Variants in INSR observed in about 807,000 individuals in gnomAD.
INSR encodes IR.
INSR carries 67 observed loss-of-function variants against 142.6 expected under a neutral mutation model. The observed-to-expected ratio is 0.47, with a 90% CI of 0.39 to 0.58. The LOEUF is 0.58. Ranked by LOEUF, INSR falls within the 20% of genes least tolerant of loss-of-function variation. The pLI is 0.00. For synonymous variants in INSR, 756 were observed against 743.1 expected, an observed-to-expected ratio of 1.02 and a Z score of -0.28; for missense variants, 1,248 against 1,833.2, an observed-to-expected ratio of 0.68 and a Z score of 5.83.
rs556744836 is a variant in INSR at position 7,119,907 on chromosome 19, AACAC to A, written c.3660-328_3660-325del. Among the ~76,000 whole-genome samples the A allele has an allele frequency of 1.0e-4, 13 of 127,278 alleles. No individual in the cohort carries two copies. Among genetic ancestry groups the A allele is most frequent in the East Asian group, 7.8e-4 (4 of 5,152 alleles). 83.5% of individuals were successfully genotyped at this position (127,278 alleles called of 152,430 possible). A position where few individuals can be genotyped will look rare whatever the true frequency, so the allele number is the denominator to read the frequency against. On this transcript the variant is annotated intron_variant, in intron 20 of 21. Coordinates refer to ENST00000302850, the MANE Select transcript of INSR (RefSeq NM_000208.4). The surrounding 1 kb of genome is among the most constrained non-coding windows in gnomAD (Gnocchi z 5.2). ...ACATATGCACACACATACACACACA[AACAC>A]ACACACAAACACATCTCTTGGTTTC...
intron 11 of INSR, among the ~76,000 whole-genome samples, chr19:7,145,435 CTTAT>C (rs1973164419): frequency 6.6e-6 from 1 of 152,020 alleles, no homozygotes; most frequent in Non-Finnish European, 1.5e-5. Context: ...AGTCTTTTTG[CTTAT>C]TTCTATGTAC....
At chr19:7,149,690 C>T (rs999511777) in intron 11 of INSR, among the ~76,000 whole-genome samples, 1 of 151,848 alleles carries the variant, frequency 6.6e-6, no homozygotes, top group African/African-American at 2.4e-5. Flanking sequence ...GGCGTGGTGG[C>T]GCATGCCTGT....
chr19:7,252,378 C>A (rs549534774), intron 2 of INSR, among the ~76,000 whole-genome samples: 1 of 152,150 alleles, frequency 6.6e-6, no homozygotes, highest in African/African-American at 2.4e-5. Context: ...TGCACTCCAG[C>A]CTGGGTGACA....
intron 2 of INSR, among the ~76,000 whole-genome samples, chr19:7,241,246 G>C (rs1044395703): frequency 6.7e-6 from 1 of 148,608 alleles, no homozygotes; most frequent in South Asian, 2.1e-4. Flanking sequence ...TGGTGTGATC[G>C]TAGCTCACTG....
At chr19:7,151,838 G>C (rs2144887971) in intron 10 of INSR, 1 of 152,410 alleles carries the variant, frequency 6.6e-6, no homozygotes, top group South Asian at 2.1e-4. Context: ...TGTCACCCAG[G>C]CTGGAGCGCA....
intron 2 of INSR, among the ~76,000 whole-genome samples, chr19:7,185,841 C>CAAAAAAAAAAAAA (rs754262409): frequency 4.9e-4 from 22 of 45,026 alleles, no homozygotes; most frequent in African/African-American, 7.1e-4. Flanking sequence ...AAAATTCTGT[C>CAAAAAAAAAAAAA]AAAAAAAAAA....
At chr19:7,132,618 T>C (rs1972814298) in intron 13 of INSR, among the ~76,000 whole-genome samples, 1 of 141,922 alleles carries the variant, frequency 7.0e-6, no homozygotes, top group Non-Finnish European at 1.6e-5. Flanking sequence ...CCAGACGGAG[T>C]TTCACTCTTG....
At position 7,119,821 on chromosome 19, in the gene INSR, CACACACAA is replaced by C. The variant is rs1336507409; in HGVS notation, c.3660-246_3660-239del. Among the ~76,000 whole-genome samples the C allele has an allele frequency of 6.8e-3, 651 of 95,682 alleles. 2 individuals are homozygous for C. The highest frequency in any genetic ancestry group is 0.017 in the African/African-American group (496 of 29,436). 62.8% of individuals were successfully genotyped at this position (95,682 alleles called of 152,430 possible). A position where few individuals can be genotyped will look rare whatever the true frequency, so the allele number is the denominator to read the frequency against. On this transcript the variant is annotated intron_variant, in intron 20 of 21. Coordinates refer to ENST00000302850, the MANE Select transcript of INSR (RefSeq NM_000208.4). The surrounding 1 kb of genome is among the most constrained non-coding windows in gnomAD (Gnocchi z 5.2). ...ATATGCAAACACACAAACACATATA[CACACACAA>C]ACACACACACCCAAACACACACACG...
At chr19:7,247,436 A>G (rs1343588442) in intron 2 of INSR, among the ~76,000 whole-genome samples, 1 of 151,484 alleles carries the variant, frequency 6.6e-6, no homozygotes, top group Admixed American at 6.6e-5. Context: ...TGTACCTATA[A>G]TAGCCTCTTT....
chr19:7,219,454 A>AG (rs1975530671), intron 2 of INSR, among the ~76,000 whole-genome samples: 1 of 134,364 alleles, frequency 7.4e-6, no homozygotes, highest in African/African-American at 2.7e-5. Flanking sequence ...AGAGAGAAAG[A>AG]AGAGAGAGAG....
At chr19:7,191,371 G>GGAAAGAAAA (rs78793162) in intron 2 of INSR, among the ~76,000 whole-genome samples, 13,248 of 149,596 alleles carry the variant, frequency 0.089, 635 homozygotes, top group South Asian at 0.17. Flanking sequence ...AGGGAAGGAG[G>GGAAAGAAAA]GAAAGAAAAG....
At chr19:7,190,696 A>G (rs1478452237) in intron 2 of INSR, among the ~76,000 whole-genome samples, 1 of 152,110 alleles carries the variant, frequency 6.6e-6, no homozygotes, top group Non-Finnish European at 1.5e-5. Context: ...TCCTTCGAAC[A>G]CTATAAGCTC....
intron 9 of INSR, among the ~76,000 whole-genome samples, chr19:7,153,334 A>C (rs1973479670): frequency 2.4e-5 from 2 of 84,722 alleles, no homozygotes; most frequent in African/African-American, 7.9e-5. Context: ...ACACACACCC[A>C]CGCCACACAC....
chr19:7,122,664 AG>A lies in INSR; in HGVS notation c.3478del (p.Leu1160TrpfsTer21), dbSNP rs1972522172. The A allele has an allele frequency of 1.2e-6, 2 of 1,614,064 alleles. No homozygotes were observed. Among genetic ancestry groups the A allele is most frequent in the Non-Finnish European group, 1.7e-6 (2 of 1,180,040 alleles). On this transcript the variant is annotated frameshift_variant, in exon 19 of 22. Coordinates refer to ENST00000302850, the MANE Select transcript of INSR (RefSeq NM_000208.4). LOFTEE classifies it high-confidence loss of function. Reference protein sequence around the residue: ...LNAKKFVHRDLAARNCMVAHD... With the variant: ...LNAKKFVHRDXAARNCMVAHD... ...GGCGACCATGCAGTTTCTCGCTGCC[AG>A]GTCCCGATGCACAAACTTCTTGGCG...
At chr19:7,135,038 C>T (rs993136483) in intron 13 of INSR, among the ~76,000 whole-genome samples, 8 of 134,590 alleles carry the variant, frequency 5.9e-5, no homozygotes, top group South Asian at 4.9e-4. Context: ...TGCAGAGAAC[C>T]GGGCTGGAAC....
At chr19:7,173,623 T>TTA (rs1974068947) in intron 4 of INSR, among the ~76,000 whole-genome samples, 1 of 131,608 alleles carries the variant, frequency 7.6e-6, no homozygotes, top group Non-Finnish European at 1.6e-5. Flanking sequence ...TTTTTTTTTT[T>TTA]TTTTTTTTTT....
chr19:7,129,694 G>C (rs997153390), intron 14 of INSR, among the ~76,000 whole-genome samples: 1 of 152,120 alleles, frequency 6.6e-6, no homozygotes, highest in Non-Finnish European at 1.5e-5. Context: ...AAATTACATA[G>C]CTAGTCCCGA....
intron 2 of INSR, among the ~76,000 whole-genome samples, chr19:7,214,271 C>T (rs12971499): frequency 0.56 from 85,613 of 152,008 alleles, 24,232 homozygotes; most frequent in Non-Finnish European, 0.59. Flanking sequence ...TTTCTTCACA[C>T]GTCCTCCCAG....
chr19:7,153,366 C>CACACACACAA, intron 9 of INSR, among the ~76,000 whole-genome samples: 1 of 1,988 alleles, frequency 5.0e-4, no homozygotes, highest in African/African-American at 1.1e-3. Flanking sequence ...CACCACACAC[C>CACACACACAA]CCACACACAC....
Sources: allele counts gnomAD v4.1 joint callset (sites outside exome capture counted in the v4.1 genomes callset), GRCh38; gene constraint gnomAD v4.1.1; non-coding constraint Gnocchi (gnomAD v3.1); transcripts MANE v1.5; gene names NCBI Gene and HGNC (gene_info 2026-07-23, HGNC 2026-07-21).